JAKMIP2: variants seen among roughly 807,000 people sequenced by gnomAD.
JAKMIP2 encodes janus kinase and microtubule interacting protein 2.
A neutral mutation model predicts 115.0 loss-of-function variants in JAKMIP2; 25 were observed. The ratio of observed to expected loss-of-function variants is 0.22; its 90% confidence interval spans 0.16 to 0.30. JAKMIP2 has a LOEUF of 0.30. JAKMIP2 is among the 10% of genes least tolerant of loss of function. JAKMIP2 has a pLI of 1.00. For missense variants in JAKMIP2, 642 were observed against 957.6 expected (o/e 0.67, Z 4.35); for synonymous variants, 334 against 343.6 (o/e 0.97, Z 0.31).
Position 147,591,590 on chromosome 5 carries a change from C to T in JAKMIP2, c.*117G>A. On this transcript the variant is annotated 3_prime_UTR_variant, in exon 22 of 22. Coordinates refer to ENST00000616793, the MANE Select transcript of JAKMIP2 (RefSeq NM_001270941.2). ...GTCCTGGCTACAGGGTAGTTCTTAG[C>T]TTTTGATCTCCCTCTCACTGGTGTA... 8.9e-7 allele frequency: 1 copy of T among 1,124,538 alleles called. No homozygotes were observed. The highest frequency in any genetic ancestry group is 1.3e-6 in the Non-Finnish European group (1 of 745,120). 69.7% of individuals were successfully genotyped at this position (1,124,538 alleles called of 1,614,324 possible). A position where few individuals can be genotyped will look rare whatever the true frequency, so the allele number is the denominator to read the frequency against.
rs778865271 is a variant in JAKMIP2, at chr5:147,618,582, T to A, written c.2143-468A>T. Among the ~76,000 whole-genome samples the A allele has an allele frequency of 2.6e-5, 4 of 151,904 alleles. 1 individual carries two copies. The Middle Eastern group carries it at 0.014, about 517-fold the overall frequency. On this transcript the variant is annotated intron_variant, in intron 18 of 21. Coordinates refer to ENST00000616793, the MANE Select transcript of JAKMIP2 (RefSeq NM_001270941.2). ...TGAAACCCCATTTCTACTAAAAATA[T>A]AAAAAATTAGGTGGGCGTGGTGGTG...
At chr5:147,710,596 C>T (rs1752740325) in intron 1 of JAKMIP2, among the ~76,000 whole-genome samples, 1 of 152,132 alleles carries the variant, frequency 6.6e-6, no homozygotes, top group South Asian at 2.1e-4. Context: ...TGCTTTATCT[C>T]CTTCTCAGGG....
At chr5:147,782,299 C>T (rs1755789547) in intron 1 of JAKMIP2, among the ~76,000 whole-genome samples, 157 bp downstream of exon 1, 1 of 151,956 alleles carries the variant, frequency 6.6e-6, no homozygotes. Context: ...CTCTTCCTGG[C>T]AAGCTTCCTC....
chr5:147,603,952 G>A (rs560751372), intron 20 of JAKMIP2, among the ~76,000 whole-genome samples: 3 of 152,210 alleles, frequency 2.0e-5, no homozygotes, highest in Admixed American at 2.0e-4. Context: ...GCTGGATGGG[G>A]ACTGAATGGG....
At chr5:147,617,807 G>A (rs1756661498) in intron 19 of JAKMIP2, 104 bp downstream of exon 19, 3 of 794,100 alleles carry the variant, frequency 3.8e-6, no homozygotes, top group Admixed American at 5.0e-5. Context: ...AAAATAACTT[G>A]TATCTCCTGG....
chr5:147,697,952 C>T (rs927188721), intron 1 of JAKMIP2, among the ~76,000 whole-genome samples: 1 of 152,182 alleles, frequency 6.6e-6, no homozygotes, highest in Non-Finnish European at 1.5e-5. Context: ...CACTGTCCTC[C>T]AGACCCCAGA....
At chr5:147,622,550 A>G (rs1211135451) in intron 17 of JAKMIP2, among the ~76,000 whole-genome samples, 2 of 152,232 alleles carry the variant, frequency 1.3e-5, no homozygotes, top group Non-Finnish European at 2.9e-5. Flanking sequence ...TAGTGTCCTG[A>G]AAGTACATCC....
intron 1 of JAKMIP2, among the ~76,000 whole-genome samples, chr5:147,738,739 C>T (rs1320636244): frequency 6.6e-6 from 1 of 151,976 alleles, no homozygotes; most frequent in Non-Finnish European, 1.5e-5. Context: ...TTTAGTCAAA[C>T]TTTTGGCCCA....
intron 1 of JAKMIP2, among the ~76,000 whole-genome samples, chr5:147,762,696 T>C (rs182037558): frequency 6.6e-6 from 1 of 152,318 alleles, no homozygotes; most frequent in Admixed American, 6.5e-5. Flanking sequence ...TGCAGTCACA[T>C]TGAAGATTAG....
chr5:147,691,629 A>G (rs1751864627), intron 1 of JAKMIP2, among the ~76,000 whole-genome samples: 1 of 152,164 alleles, frequency 6.6e-6, no homozygotes, highest in South Asian at 2.1e-4. Flanking sequence ...GCACAACCCA[A>G]GCTTTGGCCC....
At chr5:147,745,323 T>C (rs1280012444) in intron 1 of JAKMIP2, among the ~76,000 whole-genome samples, 1 of 152,236 alleles carries the variant, frequency 6.6e-6, no homozygotes, top group Non-Finnish European at 1.5e-5. Flanking sequence ...AGATCTATTA[T>C]TTTAGGTTTC....
chr5:147,671,786 A>T lies in JAKMIP2; in HGVS notation c.21T>A (p.Asn7Lys). The T allele has an allele frequency of 1.9e-6, 3 of 1,584,328 alleles. No individual in the cohort carries two copies. The South Asian group carries it at 3.5e-5, about 18-fold the overall frequency. Residue 7 changes from asparagine (N) to lysine (K), a missense_variant, in exon 2 of 22, where the codon AAT becomes AAA. Asn to Lys is a moderately conservative substitution (Grantham distance 94). Transcript: ENST00000616793. Reference sequence around the variant, plus strand: ...TGAGTGCCTCGGGCTTCTCGCCCTTATTTCGCCCTTTCTTGGACATTGTTC... The same window carrying T: ...TGAGTGCCTCGGGCTTCTCGCCCTTTTTTCGCCCTTTCTTGGACATTGTTC... MSKKGR[N>K]KGEKPEALIV... is the part of the protein sequence containing the mutation.
At chr5:147,623,292 A>T (rs1487841700) in intron 17 of JAKMIP2, among the ~76,000 whole-genome samples, 6 of 150,704 alleles carry the variant, frequency 4.0e-5, no homozygotes, top group Non-Finnish European at 8.8e-5. Flanking sequence ...TTAAAATCAG[A>T]GTTACACCCT....
chr5:147,738,566 T>A (rs1754013038), intron 1 of JAKMIP2, among the ~76,000 whole-genome samples: 1 of 152,150 alleles, frequency 6.6e-6, no homozygotes, highest in Admixed American at 6.6e-5. Context: ...AATAGACATA[T>A]AACAAGACTG....
chr5:147,675,614 T>C (rs1339923182), intron 1 of JAKMIP2, among the ~76,000 whole-genome samples: 1 of 151,472 alleles, frequency 6.6e-6, no homozygotes, highest in Admixed American at 6.6e-5. Context: ...TTAGAACATT[T>C]TCGTCACTCC....
intron 3 of JAKMIP2, among the ~76,000 whole-genome samples, chr5:147,651,489 T>C (rs1758392275): frequency 6.6e-6 from 1 of 152,198 alleles, no homozygotes. Flanking sequence ...ATATTCTATG[T>C]GTACATTCAA....
At position 147,661,443 on chromosome 5, in the gene JAKMIP2, T is replaced by A. The variant is rs142486849; in HGVS notation, c.132A>T (p.Val44=). The A allele has an allele frequency of 3.7e-6, 6 of 1,609,158 alleles. No homozygotes were observed. In the African/African-American group the frequency reaches 8.1e-5, roughly 22 times the overall value. The part of the protein sequence containing the change: ...QIELHQEKSK[V]SKLEREKTQE... The stretch of plus-strand genomic sequence containing the variant: ...GAGTCTTCTCTCTTTCAAGCTTTGA[T>A]ACCTAAAAACAGAGAGGCGAAATGA... The change falls in exon 3 of 22, where the codon GTA becomes GTT. Residue 44 remains valine, a splice_region_variant and synonymous_variant. Transcript: ENST00000616793.
intron 19 of JAKMIP2, among the ~76,000 whole-genome samples, chr5:147,615,806 T>A (rs980618284): frequency 2.6e-5 from 4 of 152,060 alleles, no homozygotes; most frequent in African/African-American, 9.7e-5. Flanking sequence ...ACTTAGCACC[T>A]AGGAAAAACA....
intron 1 of JAKMIP2, among the ~76,000 whole-genome samples, chr5:147,692,372 G>A (rs1249276873): frequency 2.0e-5 from 3 of 152,132 alleles, no homozygotes; most frequent in Non-Finnish European, 4.4e-5. Flanking sequence ...AGAACTGTGA[G>A]AGGATACATT....
Sources: gnomAD v4.1 joint callset for allele counts (sites outside exome capture counted in the v4.1 genomes callset) on GRCh38, gnomAD v4.1.1 for gene constraint, MANE v1.5 for transcripts, NCBI Gene and HGNC (gene_info 2026-07-23, HGNC 2026-07-21) for gene names.